The following PSMA2 variants were observed in gnomAD, a reference collection of about 807,000 sequenced individuals.
PSMA2 encodes the protein proteasome subunit alpha type-2.
PSMA2 carries 2 observed loss-of-function variants against 35.9 expected under a neutral mutation model. That is an observed-to-expected ratio of 0.06 (90% CI 0.02 to 0.18). PSMA2 has a LOEUF of 0.18. Among genes scored for constraint, PSMA2 ranks in the 10% least tolerant of loss-of-function variants. The pLI, the probability that PSMA2 is intolerant of heterozygous loss-of-function variation, is 1.00. For missense variants in PSMA2, 126 were observed against 278.8 expected (o/e 0.45, Z 3.90); for synonymous variants, 97 against 98.2 (o/e 0.99, Z 0.07).
intron 5 of PSMA2, among the ~76,000 whole-genome samples, chr7:42,922,554 A>AT (rs1786142455): frequency 6.6e-6 from 1 of 152,210 alleles, no homozygotes; most frequent in South Asian, 2.1e-4. Flanking sequence ...GGAAAGGAAG[A>AT]TAAGAGGGCC....
rs77665402 is a variant in PSMA2, at chr7:42,922,446, T to C, written c.457-515A>G. Among the ~76,000 whole-genome samples the C allele has an allele frequency of 8.2e-3, 1,246 of 152,232 alleles. 18 individuals carry two copies. Among genetic ancestry groups the C allele is most frequent in the African/African-American group, 0.029 (1,201 of 41,530 alleles). The stretch of plus-strand genomic sequence containing the variant: ...ATACCAAAAGAAACATAATCCAATA[T>C]GTTTTAAATGAAAACAATTGTTTTT... On this transcript the variant is annotated intron_variant, in intron 5 of 7. Transcript: ENST00000223321.
At chr7:42,929,816 G>A (rs890799320) in intron 1 of PSMA2, among the ~76,000 whole-genome samples, 1 of 152,102 alleles carries the variant, frequency 6.6e-6, no homozygotes, top group Non-Finnish European at 1.5e-5. Flanking sequence ...TCCTTTAAGA[G>A]CTCAAGCTCC....
chr7:42,931,378 C>T (rs1786308123), intron 1 of PSMA2, among the ~76,000 whole-genome samples: 1 of 152,182 alleles, frequency 6.6e-6, no homozygotes, highest in Non-Finnish European at 1.5e-5. Flanking sequence ...CGTTGAGAGC[C>T]ATGGTTCGCC....
At chr7:42,923,231 C>T in intron 5 of PSMA2, 94 bp downstream of exon 5, 1 of 934,770 alleles carries the variant, frequency 1.1e-6, no homozygotes, top group Non-Finnish European at 1.6e-6. Context: ...GAAGAAAATA[C>T]TGCTAAATTG....
intron 1 of PSMA2, among the ~76,000 whole-genome samples, chr7:42,930,206 AACACACACACACACACACGCACAC>A (rs1402734761): frequency 1.5e-4 from 23 of 149,322 alleles, no homozygotes; most frequent in African/African-American, 3.5e-4. Context: ...ACCATGTTAA[AACACACACACACACACACGCACAC>A]ACACACACAC....
intron 6 of PSMA2, chr7:42,918,041 G>T: frequency 5.4e-6 from 2 of 370,714 alleles, no homozygotes; most frequent in East Asian, 4.3e-5. Flanking sequence ...ATCATGAACG[G>T]TATGACCCTA....
intron 1 of PSMA2, among the ~76,000 whole-genome samples, chr7:42,931,776 C>T (rs1786317269): frequency 6.6e-6 from 1 of 152,216 alleles, no homozygotes; most frequent in East Asian, 1.9e-4. Context: ...GGAAAAAAAT[C>T]CTGAGTTCGG....
intron 1 of PSMA2, among the ~76,000 whole-genome samples, chr7:42,930,053 T>C (rs1418776044): frequency 6.6e-6 from 1 of 152,210 alleles, no homozygotes; most frequent in Non-Finnish European, 1.5e-5. Flanking sequence ...TGTTTACTCA[T>C]TTATTGTCAA....
chr7:42,917,525 T>C lies in PSMA2; in HGVS notation c.*49A>G. ...AAAACAAAACATACTTTAAACATGT[T>C]TAAGTAGATAGATTATCTGAAATTC... is the stretch of plus-strand genomic sequence containing the variant. On this transcript the variant is annotated 3_prime_UTR_variant, in exon 8 of 8. Transcript: ENST00000223321. 2.2e-6 allele frequency: 3 copies of C among 1,388,724 alleles called. No individual in the cohort carries two copies. The highest frequency in any genetic ancestry group is 3.1e-6 in the Non-Finnish European group (3 of 979,246). 86.0% of individuals were successfully genotyped at this position (1,388,724 alleles called of 1,614,324 possible).
At chr7:42,930,700 A>G (rs1413803612) in intron 1 of PSMA2, among the ~76,000 whole-genome samples, 1 of 151,888 alleles carries the variant, frequency 6.6e-6, no homozygotes, top group Non-Finnish European at 1.5e-5. Flanking sequence ...GCAAGACCTC[A>G]TGCCTTAAAA....
rs766040241 is a variant in PSMA2 at position 42,924,795 on chromosome 7, A to G, written c.254T>C (p.Val85Ala). 6 of 1,607,428 alleles carry G rather than the reference A, an allele frequency of 3.7e-6. No individual in the cohort carries two copies. The highest frequency in any genetic ancestry group is 5.1e-6 in the Non-Finnish European group (6 of 1,176,866). Residue 85 changes from valine (V) to alanine (A), a missense_variant and splice_region_variant, in exon 4 of 8, where the codon GTG (valine) becomes GCG (alanine). By Grantham distance (64) the Val-to-Ala change is moderately conservative (BLOSUM62 0). Transcript: ENST00000223321. Reference protein sequence around the residue: ...VYSGMGPDYRVLVHRARKLAQ... With the variant: ...VYSGMGPDYRALVHRARKLAQ... ...TAGTTTTCGAGCTCTGTGCACAAGC[A>G]CTCTAACAAGGAAAAAATAAGATTT...
intron 4 of PSMA2, among the ~76,000 whole-genome samples, chr7:42,924,180 CCA>C (rs1786169007): frequency 1.2e-5 from 1 of 82,392 alleles, no homozygotes; most frequent in Non-Finnish European, 2.4e-5. Flanking sequence ...CACATCTCTA[CCA>C]AAAAAATACA....
chr7:42,917,970 ACCT>A, intron 6 of PSMA2, 135 bp from the exon 7 acceptor site: 1 of 594,064 alleles, frequency 1.7e-6, no homozygotes, highest in South Asian at 2.7e-5. Context: ...TCTTTTAATC[ACCT>A]CCTTGTAGCT....
chr7:42,921,698 A>C (rs1786131503), intron 6 of PSMA2, 160 bp downstream of exon 6: 1 of 447,888 alleles, frequency 2.2e-6, no homozygotes, highest in Non-Finnish European at 4.0e-6. Context: ...GAAGTCTAGG[A>C]AACTAGAAGG....
chr7:42,918,109 T>G (rs919743749), intron 6 of PSMA2: 4 of 176,540 alleles, frequency 2.3e-5, no homozygotes, highest in African/African-American at 4.9e-5. Context: ...TTATCTTGGC[T>G]TACTGCAAGC....
chr7:42,925,882 C>T (rs1243860445), intron 3 of PSMA2, among the ~76,000 whole-genome samples: 1 of 152,208 alleles, frequency 6.6e-6, no homozygotes, highest in East Asian at 1.9e-4. Context: ...CTCTACCTAT[C>T]TTGCTCCACA....
chr7:42,922,874 T>C (rs1786147106), intron 5 of PSMA2, among the ~76,000 whole-genome samples: 2 of 152,164 alleles, frequency 1.3e-5, no homozygotes, highest in South Asian at 4.1e-4. Context: ...AGCAGACAAC[T>C]TACCCAAGGT....
chr7:42,917,705 G>C lies in PSMA2; in HGVS notation c.589-15C>G. On this transcript the variant is annotated splice_polypyrimidine_tract_variant and intron_variant, in intron 7 of 7. Coordinates refer to ENST00000223321, the MANE Select transcript of PSMA2 (RefSeq NM_002787.5). ...TCAAAGCTTTCCTATTGAGGAGGGA[G>C]GAAAAAAGGTCAATTTTCTAAGCAG... 1.2e-6 allele frequency: 2 copies of C among 1,610,732 alleles called. No individual in the cohort carries two copies.
rs1786052768 is a variant in PSMA2, at chr7:42,917,631, A to C, written c.648T>G (p.Ala216=). ...CAGTTGGAGTAAGCCTCCTAAATCCAGCTTCATTGCAGATTCCAACTTCTA... is the reference window on the plus strand; with the variant it reads ...CAGTTGGAGTAAGCCTCCTAAATCCCGCTTCATTGCAGATTCCAACTTCTA... ...DNIEVGICNE[A]GFRRLTPTEV... Residue 216 remains alanine (A), a synonymous_variant, in exon 8 of 8, where the codon GCT becomes GCG. Transcript: ENST00000223321. The C allele has an allele frequency of 2.5e-6, 4 of 1,613,538 alleles. No homozygotes were observed. In the East Asian group the frequency reaches 8.9e-5, roughly 36 times the overall value.
Sources: allele counts gnomAD v4.1 joint callset (sites outside exome capture counted in the v4.1 genomes callset), GRCh38; gene constraint gnomAD v4.1.1; transcripts MANE v1.5; gene names NCBI Gene and HGNC (gene_info 2026-07-23, HGNC 2026-07-21).